The following CFAP44 variants were observed in gnomAD, a reference collection of about 807,000 sequenced individuals.
CFAP44 encodes the protein cilia and flagella associated protein 44.
A neutral mutation model predicts 216.2 loss-of-function variants in CFAP44; 134 were observed. The observed-to-expected ratio is 0.62, with a 90% CI of 0.54 to 0.72. The LOEUF (loss-of-function observed/expected upper bound fraction) is 0.72, where lower values mean the gene tolerates loss of function less well. Among genes scored for constraint, CFAP44 ranks in the 30% least tolerant of loss-of-function variants. The pLI is 0.00. For missense variants in CFAP44, 2,035 were observed against 2,182.1 expected, an observed-to-expected ratio of 0.93 and a Z score of 1.34; for synonymous variants, 700 against 727.6, an observed-to-expected ratio of 0.96 and a Z score of 0.61.
intron 22 of CFAP44, among the ~76,000 whole-genome samples, chr3:113,355,389 C>A (rs1340492224): frequency 6.6e-6 from 1 of 152,122 alleles, no homozygotes; most frequent in Non-Finnish European, 1.5e-5. Context: ...GGCATGGTGG[C>A]AGGTGCCTGC....
rs114440843 is a variant in CFAP44, at chr3:113,394,775, T to C, written c.1890+975A>G. Among the ~76,000 whole-genome samples the C allele has an allele frequency of 9.4e-3, 1,425 of 152,332 alleles. 20 individuals are homozygous for C. Among genetic ancestry groups the C allele is most frequent in the African/African-American group, 0.032 (1,331 of 41,578 alleles). On this transcript the variant is annotated intron_variant, in intron 15 of 34. Coordinates refer to ENST00000393845, the MANE Select transcript of CFAP44 (RefSeq NM_001164496.2). ...ATAAAGTTTTAAGAAAGTTTATGAA[T>C]TTGTGTTGCGCCTCATTCAAAGCCC...
At chr3:113,347,402 C>A (rs552782619) in intron 22 of CFAP44, among the ~76,000 whole-genome samples, 41 of 152,296 alleles carry the variant, frequency 2.7e-4, no homozygotes, top group Middle Eastern at 6.8e-3. Context: ...TCCTATCTAT[C>A]CTGACACTTG....
intron 15 of CFAP44, among the ~76,000 whole-genome samples, chr3:113,385,026 A>C (rs1323654652): frequency 1.3e-5 from 2 of 152,180 alleles, no homozygotes; most frequent in Non-Finnish European, 2.9e-5. Flanking sequence ...TCATTGGGGC[A>C]GGTCTTTCCT....
intron 6 of CFAP44, among the ~76,000 whole-genome samples, chr3:113,414,384 T>C (rs1370588334): frequency 1.3e-5 from 2 of 152,166 alleles, no homozygotes; most frequent in Non-Finnish European, 2.9e-5. Context: ...TGTCCAGAAC[T>C]TCCAATACTA....
intron 22 of CFAP44, among the ~76,000 whole-genome samples, chr3:113,354,842 C>G (rs13078317): frequency 0.23 from 35,725 of 152,144 alleles, 5,382 homozygotes; most frequent in Non-Finnish European, 0.34. Flanking sequence ...CTGATGGGCT[C>G]TTGAAAGCAC....
At chr3:113,349,308 C>T (rs750906729) in intron 22 of CFAP44, among the ~76,000 whole-genome samples, 7 of 152,150 alleles carry the variant, frequency 4.6e-5, no homozygotes, top group Admixed American at 1.3e-4. Context: ...CCACAGGTAT[C>T]AGGAGAAAGC....
intron 24 of CFAP44, among the ~76,000 whole-genome samples, chr3:113,340,427 C>T (rs1950321211): frequency 6.6e-6 from 1 of 152,184 alleles, no homozygotes; most frequent in Admixed American, 6.5e-5. Context: ...AACAGAGCCT[C>T]TTACCCACAG....
chr3:113,408,682 C>T (rs543405031), intron 7 of CFAP44, among the ~76,000 whole-genome samples: 10 of 151,894 alleles, frequency 6.6e-5, no homozygotes, highest in South Asian at 2.1e-4. Flanking sequence ...CTGACCAACA[C>T]GGAGAAACCC....
At chr3:113,414,149 G>A (rs1411512166) in intron 6 of CFAP44, among the ~76,000 whole-genome samples, 1 of 152,068 alleles carries the variant, frequency 6.6e-6, no homozygotes, top group Non-Finnish European at 1.5e-5. Flanking sequence ...TTCATGATTT[G>A]GCTCTCTGCT....
chr3:113,381,495 T>C (rs2171293), intron 15 of CFAP44, among the ~76,000 whole-genome samples: 83,175 of 152,022 alleles, frequency 0.55, 24,388 homozygotes, highest in African/African-American at 0.76. Context: ...CCTCTATCTG[T>C]CTCAGTTTAA....
At chr3:113,395,461 C>T (rs570235226) in intron 15 of CFAP44, among the ~76,000 whole-genome samples, 2 of 152,232 alleles carry the variant, frequency 1.3e-5, no homozygotes, top group African/African-American at 4.8e-5. Context: ...GGCCAAAAGT[C>T]CCGTTGGAGC....
chr3:113,322,270 A>G (rs1368048371), intron 28 of CFAP44, among the ~76,000 whole-genome samples: 3 of 152,232 alleles, frequency 2.0e-5, no homozygotes, highest in South Asian at 2.1e-4. Context: ...TGCAATGGAG[A>G]AAGAAGTTCC....
rs185082084 is a variant in CFAP44, at chr3:113,322,984, G to A, written c.4516+3461C>T. 5.9e-5 allele frequency among the ~76,000 whole-genome samples: 9 copies of A among 152,338 alleles called. No individual in the cohort carries two copies. The East Asian group carries it at 1.7e-3, about 29-fold the overall frequency. On this transcript the variant is annotated intron_variant, in intron 28 of 34. Coordinates refer to ENST00000393845, the MANE Select transcript of CFAP44 (RefSeq NM_001164496.2). ...GCAGCAGGAAGGAGAAGTGCAGAGT[G>A]AAGTTGGCGGCGGGGAAGCCCCTTA...
At chr3:113,338,767 G>A (rs113402880) in intron 24 of CFAP44, among the ~76,000 whole-genome samples, 96 of 152,252 alleles carry the variant, frequency 6.3e-4, no homozygotes, top group Non-Finnish European at 1.3e-3. Context: ...TGGCCTTACT[G>A]GGCCCAAATT....
intron 18 of CFAP44, among the ~76,000 whole-genome samples, chr3:113,367,225 C>T (rs940533461): frequency 9.8e-5 from 15 of 152,342 alleles, no homozygotes; most frequent in Middle Eastern, 3.4e-3. Context: ...CCCAGCACAG[C>T]GTTCAAGCTC....
At chr3:113,319,291 T>C (rs2107802797) in intron 28 of CFAP44, among the ~76,000 whole-genome samples, 1 of 152,306 alleles carries the variant, frequency 6.6e-6, no homozygotes, top group Admixed American at 6.5e-5. Context: ...GCTATTCTTA[T>C]ATCAGATAAA....
chr3:113,304,393 G>T lies in CFAP44; in HGVS notation c.4876-276C>A, dbSNP rs1949966009. 8.1e-6 allele frequency: 3 copies of T among 372,620 alleles called. No homozygotes were observed. In the South Asian group the frequency reaches 1.5e-4, roughly 19 times the overall value. The allele number at this position is 372,620 out of a possible 1,614,324, so 23.1% of individuals were successfully genotyped here. On this transcript the variant is annotated intron_variant, in intron 31 of 34. Coordinates refer to ENST00000393845, the MANE Select transcript of CFAP44 (RefSeq NM_001164496.2). ...ATGATGTGACAAACATTTCAGGGCT[G>T]GCATACTAGGCAAACCGCTCCATTT...
intron 10 of CFAP44, 38 bp downstream of exon 10, chr3:113,401,546 G>A: frequency 2.5e-6 from 4 of 1,607,610 alleles, no homozygotes; most frequent in Non-Finnish European, 1.7e-6. Flanking sequence ...TTTGGTCCAT[G>A]TAATGTTAAA....
chr3:113,349,588 C>T (rs1353102034), intron 22 of CFAP44, among the ~76,000 whole-genome samples: 1 of 152,164 alleles, frequency 6.6e-6, no homozygotes, highest in African/African-American at 2.4e-5. Context: ...ACAAGCTGCT[C>T]CCTTGCCCAT....
Sources: allele counts gnomAD v4.1 joint callset (sites outside exome capture counted in the v4.1 genomes callset), GRCh38; gene constraint gnomAD v4.1.1; transcripts MANE v1.5; gene names NCBI Gene and HGNC (gene_info 2026-07-23, HGNC 2026-07-21).